The following KIF26B variants were observed in gnomAD, a reference collection of about 807,000 sequenced individuals.
KIF26B encodes the protein kinesin-like protein KIF26B.
In KIF26B, 63 loss-of-function variants were observed where a neutral mutation model predicts 151.2. The observed-to-expected ratio is 0.42, with a 90% CI of 0.34 to 0.51. The LOEUF is 0.51. KIF26B is among the 20% of genes least tolerant of loss of function. The pLI, the probability that KIF26B is intolerant of heterozygous loss-of-function variation, is 0.07. For synonymous variants in KIF26B, 1,357 were observed against 1,262.1 expected (o/e 1.08, Z -1.59); for missense variants, 2,813 against 2,913.6 (o/e 0.97, Z 0.79).
intron 2 of KIF26B, 114 bp from the exon 3 acceptor site, chr1:245,366,720 A>T (rs754092609): frequency 1.0e-4 from 103 of 987,646 alleles, no homozygotes; most frequent in Non-Finnish European, 1.4e-4. Flanking sequence ...TGCCAATCAA[A>T]CTATCCAACT....
At chr1:245,583,918 C>T (rs755146300) in intron 5 of KIF26B, among the ~76,000 whole-genome samples, 18 of 152,200 alleles carry the variant, frequency 1.2e-4, no homozygotes, top group Non-Finnish European at 7.3e-5. Context: ...AGCAGTTCAC[C>T]GTTCACAGTT....
intron 2 of KIF26B, among the ~76,000 whole-genome samples, chr1:245,169,790 C>G (rs1158944462): frequency 1.3e-5 from 2 of 152,010 alleles, no homozygotes; most frequent in Non-Finnish European, 2.9e-5. Context: ...TAGGGATCCT[C>G]CATAATGCCC....
intron 2 of KIF26B, among the ~76,000 whole-genome samples, chr1:245,325,439 C>T (rs916170075): frequency 1.1e-4 from 16 of 152,170 alleles, no homozygotes; most frequent in East Asian, 1.9e-4. Context: ...TTCAGCTGGG[C>T]GCGGTGGCTC....
In KIF26B at chr1:245,682,728, A is replaced by G. The variant is rs144715576; in HGVS notation, c.2259-1505A>G. Among the ~76,000 whole-genome samples the G allele has an allele frequency of 2.8e-4, 42 of 151,778 alleles. 1 individual carries two copies. The highest frequency in any genetic ancestry group is 3.4e-3 in the Middle Eastern group (1 of 294). On this transcript the variant is annotated intron_variant, in intron 10 of 14. Coordinates refer to ENST00000407071, the MANE Select transcript of KIF26B (RefSeq NM_018012.4). ...ACCTGACTGTATATGATCACAACCT[A>G]ACTGAGCAGAACTCACCCTCCACTG...
intron 4 of KIF26B, among the ~76,000 whole-genome samples, chr1:245,507,600 C>T (rs1438967092): frequency 6.6e-6 from 1 of 152,118 alleles, no homozygotes; most frequent in African/African-American, 2.4e-5. Context: ...GCCAATTGCC[C>T]ACAGCTGGGG....
intron 5 of KIF26B, among the ~76,000 whole-genome samples, chr1:245,575,767 G>A (rs979431014): frequency 2.6e-5 from 4 of 152,108 alleles, no homozygotes; most frequent in Admixed American, 6.5e-5. Flanking sequence ...ATGTCCATAC[G>A]AGGAAAGGAG....
At chr1:245,513,137 C>T (rs1015276640) in intron 4 of KIF26B, among the ~76,000 whole-genome samples, 1 of 151,952 alleles carries the variant, frequency 6.6e-6, no homozygotes, top group African/African-American at 2.4e-5. Flanking sequence ...CAACCCCACC[C>T]TCCTCCACAC....
At chr1:245,175,360 A>G (rs1035278627) in intron 2 of KIF26B, among the ~76,000 whole-genome samples, 2 of 152,108 alleles carry the variant, frequency 1.3e-5, no homozygotes, top group South Asian at 2.1e-4. Context: ...TGGAGCTTCA[A>G]TTTCTAGAGA....
rs375073741 is a variant in KIF26B, at chr1:245,366,315, G to A, written c.466-519G>A. ...TGGGAGGCCGAGGCGGGTGGATCAC[G>A]AGGTCAGGAGATTGAGACCATCCTG... On this transcript the variant is annotated intron_variant, in intron 2 of 14. Transcript: ENST00000407071. 7.9e-5 allele frequency among the ~76,000 whole-genome samples: 12 copies of A among 152,182 alleles called. No homozygotes were observed. In the East Asian group the frequency reaches 1.7e-3, roughly 22 times the overall value.
Position 245,166,011 on chromosome 1 carries a change from A to G in KIF26B, c.465+9328A>G, listed in dbSNP as rs973421115. ...GGCTCTTATTATCTTAAAATGAAGA[A>G]CTACAATCAACAGACTTGCGTGCAA... On this transcript the variant is annotated intron_variant, in intron 2 of 14. Coordinates refer to ENST00000407071, the MANE Select transcript of KIF26B (RefSeq NM_018012.4). The surrounding 1 kb of genome is among the most constrained non-coding windows in gnomAD (Gnocchi z 4.5). Among the ~76,000 whole-genome samples the G allele has an allele frequency of 1.7e-4, 26 of 152,244 alleles. No individual in the cohort carries two copies. The highest frequency in any genetic ancestry group is 5.8e-4 in the African/African-American group (24 of 41,542).
intron 4 of KIF26B, among the ~76,000 whole-genome samples, chr1:245,524,282 C>T (rs1661191213): frequency 6.6e-6 from 1 of 152,214 alleles, no homozygotes; most frequent in Admixed American, 6.5e-5. Flanking sequence ...CCTTTATTCT[C>T]ACAACAGACC....
chr1:245,287,821 G>A (rs1466185036), intron 2 of KIF26B, among the ~76,000 whole-genome samples: 1 of 152,022 alleles, frequency 6.6e-6, no homozygotes, highest in Non-Finnish European at 1.5e-5. Flanking sequence ...TTACTGACAC[G>A]TGCCCACAGG....
rs980236103 is a variant in KIF26B, at chr1:245,704,481, G to C, written c.*1875G>C. On this transcript the variant is annotated 3_prime_UTR_variant, in exon 15 of 15. Coordinates refer to ENST00000407071, the MANE Select transcript of KIF26B (RefSeq NM_018012.4). ...TGTGCTTTGGAAGCCAGCTCCCTGG[G>C]TCACGAGTCTGGCTTTGCACTTTCC... 1 of 152,260 alleles carries C rather than the reference G, an allele frequency of 6.6e-6. No homozygotes were observed. Among genetic ancestry groups the C allele is most frequent in the Non-Finnish European group, 1.5e-5 (1 of 68,062 alleles). 9.4% of individuals were successfully genotyped at this position (152,260 alleles called of 1,614,324 possible).
chr1:245,649,268 C>T (rs1266432993), intron 10 of KIF26B, among the ~76,000 whole-genome samples: 3 of 152,182 alleles, frequency 2.0e-5, no homozygotes, highest in Non-Finnish European at 2.9e-5. Context: ...GAAGATAAGG[C>T]AAAGGTTTAC....
intron 12 of KIF26B, among the ~76,000 whole-genome samples, chr1:245,694,349 A>ACTGT (rs1190589576): frequency 6.6e-6 from 1 of 152,092 alleles, no homozygotes; most frequent in Non-Finnish European, 1.5e-5. Context: ...TGCTTTTTTG[A>ACTGT]CTGTCTTCCT....
intron 3 of KIF26B, among the ~76,000 whole-genome samples, chr1:245,416,011 A>T (rs1674407218): frequency 6.6e-6 from 1 of 151,728 alleles, no homozygotes; most frequent in Non-Finnish European, 1.5e-5. Context: ...TCACGCCTGT[A>T]ATCCCAGCAC....
Position 245,287,862 on chromosome 1 carries a change from C to G in KIF26B, c.466-78972C>G, listed in dbSNP as rs374634631. ...AAGGAATTCCTAACTTCAGTAGTAA[C>G]TTGGGAATTTCATTGAAAAGTGACA... On this transcript the variant is annotated intron_variant, in intron 2 of 14. Transcript: ENST00000407071. Among the ~76,000 whole-genome samples, 8 of 152,198 alleles carry G rather than the reference C, an allele frequency of 5.3e-5. No individual in the cohort carries two copies. The South Asian group carries it at 1.7e-3, about 32-fold the overall frequency.
intron 5 of KIF26B, among the ~76,000 whole-genome samples, chr1:245,554,505 TC>T (rs1329958910): frequency 1.3e-5 from 2 of 152,242 alleles, no homozygotes; most frequent in Non-Finnish European, 2.9e-5. Flanking sequence ...AAACATGGTC[TC>T]TATCCTTAAG....
chr1:245,623,248 T>C (rs376553214), intron 9 of KIF26B, among the ~76,000 whole-genome samples: 28 of 152,060 alleles, frequency 1.8e-4, no homozygotes, highest in African/African-American at 6.3e-4. Flanking sequence ...TTCCTTCCTG[T>C]CTCCAGACCC....
Sources: gnomAD v4.1 joint callset for allele counts (sites outside exome capture counted in the v4.1 genomes callset) on GRCh38, gnomAD v4.1.1 for gene constraint, Gnocchi (gnomAD v3.1) non-coding constraint, MANE v1.5 for transcripts, NCBI Gene and HGNC (gene_info 2026-07-23, HGNC 2026-07-21) for gene names.